GALNT17: variants seen among roughly 807,000 people sequenced by gnomAD.
GALNT17 encodes the protein UDP-GalNAc:polypeptide N-acetylgalactosaminyltransferase-like 3.
In GALNT17, 29 loss-of-function variants were observed where a neutral mutation model predicts 63.7. The ratio of observed to expected loss-of-function variants is 0.46; its 90% CI spans 0.34 to 0.62. The LOEUF (loss-of-function observed/expected upper bound fraction) is 0.62, where lower values mean the gene tolerates loss of function less well. Ranked by LOEUF, GALNT17 falls within the 20% of genes least tolerant of loss-of-function variation. The probability of loss-of-function intolerance (pLI) is 0.01; values close to 1 mark genes in which losing one functional copy is unlikely to be tolerated. For synonymous variants in GALNT17, 305 were observed against 318.3 expected, an observed-to-expected ratio of 0.96 and a Z score of 0.45; for missense variants, 603 against 799.6, an observed-to-expected ratio of 0.75 and a Z score of 2.97.
At chr7:71,329,985 G>A (rs11767581) in intron 1 of GALNT17, among the ~76,000 whole-genome samples, 6 of 21,594 alleles carry the variant, frequency 2.8e-4, no homozygotes, top group African/African-American at 1.5e-3. Context: ...ATGTGTGTGT[G>A]TATATATATA....
At chr7:71,539,166 A>G (rs966843263) in intron 5 of GALNT17, among the ~76,000 whole-genome samples, 1 of 152,112 alleles carries the variant, frequency 6.6e-6, no homozygotes, top group African/African-American at 2.4e-5. Context: ...TCCTGACCTC[A>G]AGTGATCTGC....
chr7:71,372,034 G>A (rs1792633097), intron 2 of GALNT17, among the ~76,000 whole-genome samples: 1 of 152,226 alleles, frequency 6.6e-6, no homozygotes, highest in Admixed American at 6.5e-5. Flanking sequence ...AGGCTGGAGT[G>A]CAGTGGTGCC....
intron 1 of GALNT17, among the ~76,000 whole-genome samples, chr7:71,175,479 T>G (rs1223936885): frequency 1.3e-5 from 2 of 152,198 alleles, no homozygotes; most frequent in Non-Finnish European, 2.9e-5. Flanking sequence ...TTATCTACTA[T>G]CTGTAAGAGT....
chr7:71,315,032 C>T (rs1791476286), intron 1 of GALNT17, among the ~76,000 whole-genome samples: 1 of 152,182 alleles, frequency 6.6e-6, no homozygotes, highest in African/African-American at 2.4e-5. Context: ...GCAGTCACTC[C>T]TCAATCCACC....
chr7:71,396,166 G>A (rs2116369804), intron 3 of GALNT17, among the ~76,000 whole-genome samples: 2 of 152,070 alleles, frequency 1.3e-5, no homozygotes, highest in African/African-American at 2.4e-5. Context: ...AGCTTTTGGT[G>A]TCATATCTAA....
intron 1 of GALNT17, among the ~76,000 whole-genome samples, chr7:71,301,310 A>C (rs1466091200): frequency 6.7e-6 from 1 of 148,752 alleles, no homozygotes; most frequent in African/African-American, 2.4e-5. Flanking sequence ...TAAAGTAATA[A>C]TACTTTTTAA....
At chr7:71,322,615 C>A (rs1275205073) in intron 1 of GALNT17, among the ~76,000 whole-genome samples, 1 of 152,074 alleles carries the variant, frequency 6.6e-6, no homozygotes, top group Non-Finnish European at 1.5e-5. Context: ...CAAGTTTTGT[C>A]CCCCGCTGAA....
At chr7:71,692,711 C>G (rs1791473486) in intron 9 of GALNT17, among the ~76,000 whole-genome samples, 2 of 148,156 alleles carry the variant, frequency 1.3e-5, no homozygotes, top group Non-Finnish European at 3.0e-5. Flanking sequence ...TATATAAGTA[C>G]TTTTTAATTT....
intron 2 of GALNT17, among the ~76,000 whole-genome samples, chr7:71,354,548 T>G (rs1015281031): frequency 6.6e-6 from 1 of 152,190 alleles, no homozygotes; most frequent in Non-Finnish European, 1.5e-5. Context: ...TTCTTAATGT[T>G]AAACCAAATT....
intron 5 of GALNT17, among the ~76,000 whole-genome samples, chr7:71,477,116 C>G (rs971260313): frequency 1.3e-5 from 2 of 152,148 alleles, no homozygotes; most frequent in African/African-American, 2.4e-5. Context: ...AGTGATACTA[C>G]TACTACTAAT....
intron 5 of GALNT17, among the ~76,000 whole-genome samples, chr7:71,496,835 C>T (rs1356514885): frequency 8.6e-5 from 13 of 151,828 alleles, no homozygotes; most frequent in African/African-American, 2.4e-5. Flanking sequence ...GCACTTTGGG[C>T]GGCCAAGGCA....
At chr7:71,236,722 C>A (rs952709006) in intron 1 of GALNT17, among the ~76,000 whole-genome samples, 2 of 152,156 alleles carry the variant, frequency 1.3e-5, no homozygotes, top group African/African-American at 4.8e-5. Context: ...GGAATCCAGG[C>A]CAGCCCTCGG....
chr7:71,623,109 CCT>C (rs1790320535), intron 6 of GALNT17, among the ~76,000 whole-genome samples: 1 of 152,106 alleles, frequency 6.6e-6, no homozygotes, highest in African/African-American at 2.4e-5. Flanking sequence ...TCCTAAGTTC[CCT>C]GAGAGAGGAT....
At chr7:71,359,270 T>C (rs1792352505) in intron 2 of GALNT17, among the ~76,000 whole-genome samples, 1 of 152,198 alleles carries the variant, frequency 6.6e-6, no homozygotes, top group African/African-American at 2.4e-5. Context: ...TTCTGTCGAA[T>C]GCTTGAGGCT....
chr7:71,179,915 A>G lies in GALNT17; in HGVS notation c.238+46875A>G, dbSNP rs117353350. Among the ~76,000 whole-genome samples, 3 of 152,278 alleles carry G rather than the reference A, an allele frequency of 2.0e-5. No homozygotes were observed. In the East Asian group the frequency reaches 5.8e-4, roughly 29 times the overall value. Reference sequence around the variant, plus strand: ...AAAGAAAATATTTTGTTCAAATTTGATAATTGTTACTTGCAGGAGGTTTGG... The same window carrying G: ...AAAGAAAATATTTTGTTCAAATTTGGTAATTGTTACTTGCAGGAGGTTTGG... On this transcript the variant is annotated intron_variant, in intron 1 of 10. Coordinates refer to ENST00000333538, the MANE Select transcript of GALNT17 (RefSeq NM_022479.3).
At chr7:71,601,943 G>C (rs1789972720) in intron 6 of GALNT17, among the ~76,000 whole-genome samples, 1 of 152,200 alleles carries the variant, frequency 6.6e-6, no homozygotes, top group African/African-American at 2.4e-5. Context: ...CCTTTGTGCG[G>C]ATCTTCCCTC....
chr7:71,632,624 G>C (rs1359760119), intron 6 of GALNT17, among the ~76,000 whole-genome samples: 1 of 152,168 alleles, frequency 6.6e-6, no homozygotes, highest in Non-Finnish European at 1.5e-5. Flanking sequence ...GACCACGCTA[G>C]ACATGGATGG....
chr7:71,595,987 A>G (rs1165588757), intron 6 of GALNT17, among the ~76,000 whole-genome samples: 4 of 152,012 alleles, frequency 2.6e-5, no homozygotes, highest in Non-Finnish European at 5.9e-5. Flanking sequence ...TTTGTTTTTT[A>G]TATTCTTTGC....
chr7:71,670,704 C>T (rs932081455), intron 8 of GALNT17, among the ~76,000 whole-genome samples: 7 of 152,116 alleles, frequency 4.6e-5, no homozygotes, highest in South Asian at 4.1e-4. Context: ...ATTAATTTCA[C>T]CTTCACCTTA....
Sources: allele counts gnomAD v4.1 joint callset (sites outside exome capture counted in the v4.1 genomes callset), GRCh38; gene constraint gnomAD v4.1.1; transcripts MANE v1.5; gene names NCBI Gene and HGNC (gene_info 2026-07-23, HGNC 2026-07-21).